PHLPP1: variants seen among roughly 807,000 people sequenced by gnomAD.
The protein encoded by PHLPP1 is PH domain leucine-rich repeat-containing protein phosphatase 1.
Under a neutral mutation model 117.2 loss-of-function variants are expected in PHLPP1, and 42 were observed. The ratio of observed to expected loss-of-function variants is 0.36; its 90% CI spans 0.28 to 0.46. PHLPP1 has a LOEUF of 0.46. PHLPP1 is among the 20% of genes least tolerant of loss of function. The pLI is 1.00. For synonymous variants in PHLPP1, 1,042 were observed against 970.7 expected (o/e 1.07, Z -1.37); for missense variants, 2,084 against 2,241.9 (o/e 0.93, Z 1.42).
At chr18:62,829,478 G>T (rs1478922549) in intron 1 of PHLPP1, among the ~76,000 whole-genome samples, 1 of 152,162 alleles carries the variant, frequency 6.6e-6, no homozygotes, top group African/African-American at 2.4e-5. Context: ...CAACCCAGGC[G>T]TGGTGGCTCA....
intron 5 of PHLPP1, 114 bp from the exon 6 acceptor site, chr18:62,895,667 C>A: frequency 2.9e-6 from 2 of 696,248 alleles, no homozygotes; most frequent in South Asian, 1.8e-5. Flanking sequence ...AGGCATTTTG[C>A]GAAGAATAAT....
intron 1 of PHLPP1, among the ~76,000 whole-genome samples, chr18:62,756,742 A>G (rs1156263422): frequency 6.6e-6 from 1 of 152,214 alleles, no homozygotes; most frequent in East Asian, 1.9e-4. Flanking sequence ...CCCACGTATC[A>G]GTGGGAGGAA....
chr18:62,884,576 T>C (rs1006213694), intron 4 of PHLPP1, among the ~76,000 whole-genome samples: 29 of 152,348 alleles, frequency 1.9e-4, no homozygotes, highest in South Asian at 6.2e-4. Context: ...AGAGCGACGC[T>C]TACAAGTCCA....
At chr18:62,896,161 A>G (rs1916558606) in intron 6 of PHLPP1, 150 bp downstream of exon 6, 2 of 606,490 alleles carry the variant, frequency 3.3e-6, no homozygotes, top group African/African-American at 1.8e-5. Context: ...TATGATTAAT[A>G]GTAGGGTTTG....
chr18:62,867,803 G>A (rs570830010), intron 4 of PHLPP1, among the ~76,000 whole-genome samples: 9 of 152,080 alleles, frequency 5.9e-5, no homozygotes, highest in African/African-American at 2.2e-4. Flanking sequence ...AGAATCTCAA[G>A]GTTTAGTATG....
rs981973491 is a variant in PHLPP1 at position 62,822,439 on chromosome 18, G to A, written c.1577-7596G>A. ...TGGGACTGCAGACACCCGCCACCAC[G>A]CCCAGCTATTTTTTTTTTGTAGTTT... On this transcript the variant is annotated intron_variant, in intron 1 of 16. Transcript: ENST00000262719. Among the ~76,000 whole-genome samples, 7 of 151,688 alleles carry A rather than the reference G, an allele frequency of 4.6e-5. No homozygotes were observed. In the South Asian group the frequency reaches 1.0e-3, roughly 23 times the overall value.
chr18:62,832,079 A>C (rs1323160844), intron 2 of PHLPP1: 1 of 152,242 alleles, frequency 6.6e-6, no homozygotes, highest in African/African-American at 2.4e-5. Context: ...TGTTAGGTCA[A>C]CAGTCTCTCT....
chr18:62,847,533 C>T (rs1456785421), intron 3 of PHLPP1, among the ~76,000 whole-genome samples: 1 of 152,002 alleles, frequency 6.6e-6, no homozygotes, highest in East Asian at 1.9e-4. Context: ...TTCTAGGGCT[C>T]AAGGGAGGAA....
chr18:62,828,033 TG>T (rs2144329415), intron 1 of PHLPP1, among the ~76,000 whole-genome samples: 1 of 152,142 alleles, frequency 6.6e-6, no homozygotes, highest in South Asian at 2.1e-4. Flanking sequence ...TGTGTGTGTG[TG>T]TGTGTGTGTG....
intron 10 of PHLPP1, among the ~76,000 whole-genome samples, chr18:62,934,516 A>G (rs1019842363): frequency 1.3e-5 from 2 of 152,210 alleles, no homozygotes; most frequent in African/African-American, 4.8e-5. Context: ...GGGGCTAAAC[A>G]GTGTATACAC....
At chr18:62,723,818 T>C (rs764158977) in intron 1 of PHLPP1, among the ~76,000 whole-genome samples, 1 of 152,220 alleles carries the variant, frequency 6.6e-6, no homozygotes, top group Non-Finnish European at 1.5e-5. Flanking sequence ...GGCATGACTT[T>C]GGGCATTCAT....
intron 4 of PHLPP1, among the ~76,000 whole-genome samples, chr18:62,870,048 A>T (rs1334561932): frequency 6.6e-6 from 1 of 152,098 alleles, no homozygotes; most frequent in Non-Finnish European, 1.5e-5. Context: ...GCGCGCCAAC[A>T]CGCCTGGCTA....
intron 12 of PHLPP1, among the ~76,000 whole-genome samples, chr18:62,952,822 A>C (rs1439530862): frequency 6.6e-6 from 1 of 152,096 alleles, no homozygotes; most frequent in Non-Finnish European, 1.5e-5. Context: ...TGGTCTTGCT[A>C]TATTACCCAG....
At chr18:62,782,009 A>G (rs1913133074) in intron 1 of PHLPP1, among the ~76,000 whole-genome samples, 1 of 152,210 alleles carries the variant, frequency 6.6e-6, no homozygotes, top group Admixed American at 6.5e-5. Flanking sequence ...GTGACTTGTC[A>G]TTGTTTCACA....
chr18:62,887,965 C>T (rs1916322511), intron 4 of PHLPP1, among the ~76,000 whole-genome samples: 1 of 152,054 alleles, frequency 6.6e-6, no homozygotes, highest in Admixed American at 6.6e-5. Flanking sequence ...GTCTTGGACT[C>T]CTGGGCTCAA....
intron 1 of PHLPP1, among the ~76,000 whole-genome samples, chr18:62,719,438 G>A (rs1910851919): frequency 6.6e-6 from 1 of 152,192 alleles, no homozygotes; most frequent in African/African-American, 2.4e-5. Context: ...ATGAACAAAA[G>A]CGTAGTCTCA....
intron 8 of PHLPP1, among the ~76,000 whole-genome samples, chr18:62,914,124 A>G (rs1395298313): frequency 6.6e-6 from 1 of 152,126 alleles, no homozygotes; most frequent in Non-Finnish European, 1.5e-5. Flanking sequence ...CTGAGTCTTA[A>G]CTGTCAGTGA....
At position 62,784,075 on chromosome 18, in the gene PHLPP1, G is replaced by A. The variant is rs1324896109; in HGVS notation, c.1577-45960G>A. Among the ~76,000 whole-genome samples the A allele has an allele frequency of 2.0e-5, 3 of 151,448 alleles. No homozygotes were observed. In the East Asian group the frequency reaches 5.8e-4, roughly 29 times the overall value. ...GTGCATTTTTAAGATTCAAGACGATGGGGAGTATTTTGAAGTTATTCTCAT... is the reference window on the plus strand; with the variant it reads ...GTGCATTTTTAAGATTCAAGACGATAGGGAGTATTTTGAAGTTATTCTCAT... On this transcript the variant is annotated intron_variant, in intron 1 of 16. Transcript: ENST00000262719.
In PHLPP1 at chr18:62,715,761, CG is replaced by C; in HGVS notation, c.79del (p.Ala27ProfsTer29). On this transcript the variant is annotated frameshift_variant, in exon 1 of 17. Transcript: ENST00000262719. LOFTEE classifies it high-confidence loss of function. ...AGGACCGAGCTTCGGCTCCGGCGGC[CG>C]CCGCTGCGGCAGCAGCAGCAGCAGC... ...REDRASAPAA[A>X]AAAAAAAAAA... The C allele has an allele frequency of 1.0e-6, 1 of 986,840 alleles. No individual in the cohort carries two copies. Among genetic ancestry groups the C allele is most frequent in the Admixed American group, 5.4e-5 (1 of 18,646 alleles). The allele number at this position is 986,840 out of a possible 1,614,324, so 61.1% of individuals were successfully genotyped here.
Sources: gnomAD v4.1 joint callset for allele counts (sites outside exome capture counted in the v4.1 genomes callset) on GRCh38, gnomAD v4.1.1 for gene constraint, MANE v1.5 for transcripts, NCBI Gene and HGNC (gene_info 2026-07-23, HGNC 2026-07-21) for gene names.